The following SOBP variants were observed in gnomAD, a reference collection of about 807,000 sequenced individuals.
The protein encoded by SOBP is sine oculis-binding protein homolog.
SOBP carries 4 observed loss-of-function variants against 53.6 expected under a neutral mutation model. That is an observed-to-expected ratio of 0.07 (90% CI 0.04 to 0.17). The LOEUF (loss-of-function observed/expected upper bound fraction) is 0.17. SOBP is among the 10% of genes least tolerant of loss of function. SOBP has a pLI of 1.00. For missense variants in SOBP, 1,088 were observed against 1,204.7 expected (o/e 0.90, Z 1.43); for synonymous variants, 584 against 522.6 (o/e 1.12, Z -1.60).
intron 4 of SOBP, among the ~76,000 whole-genome samples, chr6:107,534,794 T>A (rs1026154584): frequency 6.6e-6 from 1 of 152,204 alleles, no homozygotes; most frequent in Admixed American, 6.5e-5. Context: ...TGGAATTCTT[T>A]TGGGACTGTC....
intron 1 of SOBP, among the ~76,000 whole-genome samples, chr6:107,495,161 C>G (rs1223236140): frequency 6.6e-6 from 1 of 152,218 alleles, no homozygotes; most frequent in Non-Finnish European, 1.5e-5. Flanking sequence ...GACTCCCCCT[C>G]TCTAAGCAGT....
chr6:107,615,573 A>G (rs549708639), intron 5 of SOBP, among the ~76,000 whole-genome samples: 5 of 152,238 alleles, frequency 3.3e-5, no homozygotes, highest in African/African-American at 4.8e-5. Context: ...ACTTCTGTCT[A>G]CCTATAGAAT....
chr6:107,594,328 C>T (rs1471498645), intron 5 of SOBP, among the ~76,000 whole-genome samples: 2 of 152,182 alleles, frequency 1.3e-5, no homozygotes, highest in East Asian at 1.9e-4. Flanking sequence ...AGGTTGCTTG[C>T]TTTCCAGTAC....
At chr6:107,633,436 T>C in intron 5 of SOBP, 78 bp from the exon 6 acceptor site, 1 of 1,574,020 alleles carries the variant, frequency 6.4e-7, no homozygotes, top group African/African-American at 1.3e-5. Flanking sequence ...AAAGAACCTT[T>C]ATGTGAAACA....
intron 1 of SOBP, among the ~76,000 whole-genome samples, chr6:107,498,197 T>C (rs905703501): frequency 7.2e-5 from 11 of 152,184 alleles, no homozygotes; most frequent in Admixed American, 6.5e-4. Flanking sequence ...TGACATATTT[T>C]ACTAGAACTG....
chr6:107,596,273 CT>C (rs148829731), intron 5 of SOBP, among the ~76,000 whole-genome samples: 41 of 148,416 alleles, frequency 2.8e-4, no homozygotes, highest in East Asian at 5.9e-4. Flanking sequence ...TTGCCAGTGG[CT>C]TTTTTTTTTC....
At chr6:107,515,365 A>G (rs746715846) in intron 3 of SOBP, among the ~76,000 whole-genome samples, 4 of 152,256 alleles carry the variant, frequency 2.6e-5, no homozygotes, top group Non-Finnish European at 5.9e-5. Context: ...GACTTATTTT[A>G]TGATCTCAGC....
chr6:107,552,287 A>G (rs912350023), intron 4 of SOBP, among the ~76,000 whole-genome samples: 9 of 152,180 alleles, frequency 5.9e-5, no homozygotes, highest in African/African-American at 2.2e-4. Flanking sequence ...TGGCTCCTCC[A>G]TTTATAATTT....
Position 107,506,261 on chromosome 6 carries a change from A to G in SOBP, c.255A>G (p.Pro85=), listed in dbSNP as rs1435338365. 1 of 1,614,198 alleles carries G rather than the reference A, an allele frequency of 6.2e-7. No homozygotes were observed. The change falls in exon 3 of 7, where the codon CCA becomes CCG. Residue 85 remains proline, a synonymous_variant. Coordinates refer to ENST00000317357, the MANE Select transcript of SOBP (RefSeq NM_018013.4). ...TTACAGAAAATTCTTTGCCAAAACC[A>G]AAATTACCCGAGGACAGTGTTATTT... ...SVLKENSLPK[P]KLPEDSVISP...
chr6:107,533,325 A>G (rs975085801), intron 3 of SOBP, 134 bp from the exon 4 acceptor site: 28 of 717,580 alleles, frequency 3.9e-5, no homozygotes, highest in Middle Eastern at 7.8e-4. Context: ...GAGAGAGAGA[A>G]AGAAAAAGCA....
chr6:107,497,525 T>C (rs777178845), intron 1 of SOBP, among the ~76,000 whole-genome samples: 30 of 152,128 alleles, frequency 2.0e-4, no homozygotes, highest in Non-Finnish European at 4.1e-4. Context: ...AAACAAAGCC[T>C]GTAATTTTCC....
At chr6:107,601,296 C>G (rs189343268) in intron 5 of SOBP, among the ~76,000 whole-genome samples, 60 of 152,322 alleles carry the variant, frequency 3.9e-4, no homozygotes, top group African/African-American at 1.4e-3. Flanking sequence ...TATGGCACAT[C>G]TTGTCCTCTT....
At chr6:107,627,405 A>C (rs915170364) in intron 5 of SOBP, among the ~76,000 whole-genome samples, 2 of 152,242 alleles carry the variant, frequency 1.3e-5, no homozygotes, top group African/African-American at 2.4e-5. Flanking sequence ...CACATGAGAA[A>C]GAGAAGGAAG....
chr6:107,546,831 A>G (rs1483745724), intron 4 of SOBP, among the ~76,000 whole-genome samples: 6 of 152,334 alleles, frequency 3.9e-5, no homozygotes, highest in East Asian at 3.9e-4. Context: ...TGGATTTTCA[A>G]AAATCCAAGT....
intron 1 of SOBP, among the ~76,000 whole-genome samples, chr6:107,502,241 C>G (rs1782861684): frequency 6.6e-6 from 1 of 152,064 alleles, no homozygotes; most frequent in African/African-American, 2.4e-5. Context: ...TGCTTTGTTT[C>G]AGGTATATAA....
At chr6:107,620,249 T>A (rs1038421307) in intron 5 of SOBP, among the ~76,000 whole-genome samples, 1 of 152,178 alleles carries the variant, frequency 6.6e-6, no homozygotes, top group Non-Finnish European at 1.5e-5. Flanking sequence ...TGGCTTCTAC[T>A]CCATCCACTT....
At chr6:107,605,435 A>T (rs1039855876) in intron 5 of SOBP, among the ~76,000 whole-genome samples, 1 of 152,224 alleles carries the variant, frequency 6.6e-6, no homozygotes, top group Admixed American at 6.5e-5. Flanking sequence ...TGTAGGCGAA[A>T]AACAAATTTG....
At chr6:107,532,797 A>G (rs1271395882) in intron 3 of SOBP, among the ~76,000 whole-genome samples, 1 of 152,116 alleles carries the variant, frequency 6.6e-6, no homozygotes, top group Non-Finnish European at 1.5e-5. Flanking sequence ...TCAGGCCTGC[A>G]TCTCCCTTAG....
At chr6:107,510,177 T>C (rs974832477) in intron 3 of SOBP, among the ~76,000 whole-genome samples, 4 of 152,190 alleles carry the variant, frequency 2.6e-5, no homozygotes, top group African/African-American at 4.8e-5. Flanking sequence ...AAGACAGCCA[T>C]AGATAATACA....
Sources: gnomAD v4.1 joint callset for allele counts (sites outside exome capture counted in the v4.1 genomes callset) on GRCh38, gnomAD v4.1.1 for gene constraint, MANE v1.5 for transcripts, NCBI Gene and HGNC (gene_info 2026-07-23, HGNC 2026-07-21) for gene names.